The following SLC22A17 variants were observed in gnomAD, a reference collection of about 807,000 sequenced individuals.
SLC22A17 encodes 24p3 receptor.
In SLC22A17, 38 loss-of-function variants were observed where a neutral mutation model predicts 53.6. The observed-to-expected ratio is 0.71, with a 90% CI of 0.55 to 0.93. The LOEUF is 0.93. SLC22A17 is among the 40% of genes least tolerant of loss of function. The pLI is 0.00. For missense variants in SLC22A17, 704 were observed against 791.0 expected, an observed-to-expected ratio of 0.89 and a Z score of 1.32; for synonymous variants, 379 against 353.0, an observed-to-expected ratio of 1.07 and a Z score of -0.82.
exon 2 of SLC22A17, chr14:23,351,956 T>C (rs1889656813): frequency 1.9e-6 from 3 of 1,612,730 alleles, no homozygotes; most frequent in African/African-American, 1.3e-5. Flanking sequence ...ACCTGGCCGA[T>C]GGCGTTGGTG....
At position 23,352,243 on chromosome 14, in the gene SLC22A17, C is replaced by T; in HGVS notation, c.305G>A (p.Cys102Tyr). The T allele has an allele frequency of 6.9e-7, 1 of 1,443,878 alleles. No homozygotes were observed. Among genetic ancestry groups the T allele is most frequent in the Non-Finnish European group, 9.1e-7 (1 of 1,101,870 alleles). 89.4% of individuals were successfully genotyped at this position (1,443,878 alleles called of 1,614,324 possible). A position where few individuals can be genotyped will look rare whatever the true frequency, so the allele number is the denominator to read the frequency against. ...CAGAGCCACGAAGAGCACCGGCAGG[C>T]AGCAGAGGCCGAGCTGCAGCTGCTG... The change falls in exon 2 of 10, where the codon TGC becomes TAC. Residue 102 changes from cysteine to tyrosine, a missense_variant. Physicochemically the swap from Cys to Tyr is radical, Grantham distance 194. Around this residue, in one of 4 missense-constraint regions of SLC22A17, gnomAD observed 31 missense variants for 62.3 expected, o/e 0.50. Coordinates refer to ENST00000397267, the Ensembl canonical transcript of SLC22A17. The surrounding 1 kb of genome is among the most constrained non-coding windows in gnomAD (Gnocchi z 7.2).
rs759378614 is a variant in SLC22A17, at chr14:23,352,159, G to A, written c.389C>T (p.Ala130Val). 5 of 1,545,862 alleles carry A rather than the reference G, an allele frequency of 3.2e-6. No homozygotes were observed. Among genetic ancestry groups the A allele is most frequent in the East Asian group, 4.7e-5 (2 of 42,972 alleles). Residue 130 changes from alanine (A) to valine (V), a missense_variant, in exon 2 of 10, where the codon GCC (alanine) becomes GTC (valine). By Grantham distance (64) the Ala-to-Val change is moderately conservative (BLOSUM62 0). Transcript: ENST00000397267. This position sits in a 1 kb window ranked among gnomAD's most constrained non-coding sequence, Gnocchi z 7.2. ...CCAGCCAGAGGCATTAGGGGGGAAG[G>A]CCCCGTAGTGGCAATGCAGCGGGGG...
chr14:23,347,788 C>G lies in SLC22A17; in HGVS notation c.1278-57G>C. 5 of 1,610,952 alleles carry G rather than the reference C, an allele frequency of 3.1e-6. No homozygotes were observed. Among genetic ancestry groups the G allele is most frequent in the Non-Finnish European group, 3.4e-6 (4 of 1,178,122 alleles). On this transcript the variant is annotated intron_variant, in intron 7 of 9. Coordinates refer to ENST00000397267, the Ensembl canonical transcript of SLC22A17. This position sits in a 1 kb window ranked among gnomAD's most constrained non-coding sequence, Gnocchi z 5.1. ...AGCCTGAATCCCCTCCCGCAGCCTT[C>G]TACAGTGCTGATGGTCCTCCGCAGG...
Position 23,352,414 on chromosome 14 carries a change from T to G in SLC22A17, c.134A>C (p.Gln45Pro). The change falls in exon 2 of 10, where the codon CAG becomes CCG. Residue 45 changes from glutamine (Q) to proline (P), a missense_variant. Coordinates refer to ENST00000397267, the Ensembl canonical transcript of SLC22A17. The surrounding 1 kb of genome is among the most constrained non-coding windows in gnomAD (Gnocchi z 7.2). ...CTCGCGCTCCCGCTCACCCTGCAGC[T>G]GCTCCGTGGGCACCGCATCTCCGAG... 1.9e-6 allele frequency: 1 copy of G among 519,260 alleles called. No individual in the cohort carries two copies. The highest frequency in any genetic ancestry group is 3.2e-6 in the Non-Finnish European group (1 of 311,270). 32.2% of individuals were successfully genotyped at this position (519,260 alleles called of 1,614,324 possible).
rs1291720659 is a variant in SLC22A17 at position 23,352,154 on chromosome 14, G to A, written c.394C>T (p.Pro132Ser). 1.4e-5 allele frequency: 22 copies of A among 1,560,566 alleles called. No individual in the cohort carries two copies. Among genetic ancestry groups the A allele is most frequent in the Non-Finnish European group, 1.8e-5 (21 of 1,156,940 alleles). ...TGCTCCCAGCCAGAGGCATTAGGGG[G>A]GAAGGCCCCGTAGTGGCAATGCAGC... The change falls in exon 2 of 10, where the codon CCC becomes TCC. Residue 132 changes from proline (P) to serine (S), a missense_variant. By Grantham distance (74) the Pro-to-Ser change is moderately conservative. Coordinates refer to ENST00000397267, the Ensembl canonical transcript of SLC22A17. This position sits in a 1 kb window ranked among gnomAD's most constrained non-coding sequence, Gnocchi z 7.2.
chr14:23,349,142 G>T (rs771334248), intron 4 of SLC22A17, 130 bp downstream of exon 4: 7 of 1,186,678 alleles, frequency 5.9e-6, no homozygotes, highest in Non-Finnish European at 7.5e-6. Context: ...CTTCAAGGGG[G>T]CCTGGGCAGA....
Position 23,347,282 on chromosome 14 carries a change from C to T in SLC22A17, c.1550-70G>A. On this transcript the variant is annotated intron_variant, in intron 8 of 9. Coordinates refer to ENST00000397267, the Ensembl canonical transcript of SLC22A17. This position sits in a 1 kb window ranked among gnomAD's most constrained non-coding sequence, Gnocchi z 5.1. The stretch of plus-strand genomic sequence containing the variant: ...AGGCTGGCCTAGTCCCGGGTGTCAT[C>T]CCCTTGGCTCTCTGTTCCCATGGCT... The T allele has an allele frequency of 3.3e-6, 5 of 1,495,098 alleles. No homozygotes were observed. Among genetic ancestry groups the T allele is most frequent in the African/African-American group, 1.4e-5 (1 of 72,660 alleles). 92.6% of individuals were successfully genotyped at this position (1,495,098 alleles called of 1,614,324 possible).
chr14:23,347,371 G>A lies in SLC22A17; in HGVS notation c.1549+89C>T. 6.5e-7 allele frequency: 1 copy of A among 1,538,956 alleles called. No homozygotes were observed. The highest frequency in any genetic ancestry group is 8.8e-7 in the Non-Finnish European group (1 of 1,138,464). On this transcript the variant is annotated intron_variant, in intron 8 of 9. Transcript: ENST00000397267. This position sits in a 1 kb window ranked among gnomAD's most constrained non-coding sequence, Gnocchi z 5.1. ...GAGAGCAGATGGGGCTGTGGGGCCA[G>A]GTGGAGGCTCGTGGAAGAGCTGGGC...
At chr14:23,346,374 A>T in exon 10 of SLC22A17, 1 of 401,856 alleles carries the variant, frequency 2.5e-6, no homozygotes, top group Non-Finnish European at 4.4e-6. Context: ...AGAAATAATG[A>T]GGTCTGGGTG....
chr14:23,352,827 G>T lies in SLC22A17; in HGVS notation c.-86C>A. 2.5e-6 allele frequency: 1 copy of T among 398,366 alleles called. No individual in the cohort carries two copies. Among genetic ancestry groups the T allele is most frequent in the South Asian group, 1.3e-4 (1 of 7,746 alleles). 24.7% of individuals were successfully genotyped at this position (398,366 alleles called of 1,614,324 possible). A position where few individuals can be genotyped will look rare whatever the true frequency, so the allele number is the denominator to read the frequency against. On this transcript the variant is annotated 5_prime_UTR_variant, in exon 1 of 10. The change creates a new upstream start codon in the 5' untranslated region. Coordinates refer to ENST00000397267, the Ensembl canonical transcript of SLC22A17. The surrounding 1 kb of genome is among the most constrained non-coding windows in gnomAD (Gnocchi z 7.2). ...GTTGCGCGCCGGCTGCCCGGACACA[G>T]ACAGCTCGAAGAGATCCCGCTCTGC...
In SLC22A17 at chr14:23,347,068, C is replaced by G. The variant is rs140140690; in HGVS notation, c.1661+33G>C. 3.0e-5 allele frequency: 47 copies of G among 1,582,524 alleles called. No homozygotes were observed. Among genetic ancestry groups the G allele is most frequent in the Non-Finnish European group, 4.0e-5 (46 of 1,163,664 alleles). ...TGGGGGAGCGGGAGGCGAGGGGGCC[C>G]GGCTCTGCCCCTGGGGGCACCCCTG... is the stretch of plus-strand genomic sequence containing the variant. On this transcript the variant is annotated intron_variant, in intron 9 of 9. Coordinates refer to ENST00000397267, the Ensembl canonical transcript of SLC22A17. This position sits in a 1 kb window ranked among gnomAD's most constrained non-coding sequence, Gnocchi z 5.1.
At chr14:23,349,129 A>C in intron 4 of SLC22A17, 143 bp downstream of exon 4, 1 of 1,059,840 alleles carries the variant, frequency 9.4e-7, no homozygotes, top group Non-Finnish European at 1.5e-6. Context: ...AGAGCCCTGG[A>C]TTCTTCAAGG....
chr14:23,351,512 G>T, intron 3 of SLC22A17: 1 of 473,694 alleles, frequency 2.1e-6, no homozygotes, highest in East Asian at 3.8e-5. Context: ...CCACTAATTA[G>T]TGGGAATGGG....
At chr14:23,346,933 G>A in exon 10 of SLC22A17, 2 of 1,531,600 alleles carry the variant, frequency 1.3e-6, no homozygotes, top group South Asian at 1.2e-5. Flanking sequence ...CCAGGCCACG[G>A]CCCCTGGGGG....
intron 4 of SLC22A17, 40 bp downstream of exon 4, chr14:23,349,232 T>A (rs1889459850): frequency 1.2e-6 from 2 of 1,613,628 alleles, no homozygotes; most frequent in Non-Finnish European, 1.7e-6. Flanking sequence ...CAGGTAGGCA[T>A]GAGACCCAAG....
At chr14:23,346,699 A>G in exon 10 of SLC22A17, 1 of 1,540,506 alleles carries the variant, frequency 6.5e-7, no homozygotes, top group Admixed American at 1.9e-5. Context: ...CACAGCGGGT[A>G]GGGGGTGGCT....
At chr14:23,346,509 C>A (rs1889183858) in exon 10 of SLC22A17, 2 of 1,103,892 alleles carry the variant, frequency 1.8e-6, no homozygotes, top group Non-Finnish European at 2.5e-6. Context: ...GTGGGGACGG[C>A]CCTCTGAGCT....
At chr14:23,346,749 G>T in exon 10 of SLC22A17, 1 of 1,544,214 alleles carries the variant, frequency 6.5e-7, no homozygotes, top group South Asian at 1.2e-5. Flanking sequence ...TCCCCGTCCC[G>T]GAGCACCTCG....
At chr14:23,349,138 G>C in intron 4 of SLC22A17, 134 bp downstream of exon 4, 1 of 1,160,708 alleles carries the variant, frequency 8.6e-7, no homozygotes, top group South Asian at 1.3e-5. Context: ...GATTCTTCAA[G>C]GGGGCCTGGG....
Sources: gnomAD v4.1 joint callset for allele counts on GRCh38, gnomAD v4.1.1 for gene constraint, gnomAD v4.1.1 regional missense constraint, Gnocchi (gnomAD v3.1) non-coding constraint, MANE v1.5 for transcripts, NCBI Gene and HGNC (gene_info 2026-07-23, HGNC 2026-07-21) for gene names.